Variants in MARK2 observed in about 807,000 individuals in gnomAD.
MARK2 encodes microtubule affinity regulating kinase 2.
MARK2 carries 16 observed loss-of-function variants against 89.8 expected under a neutral mutation model. The ratio of observed to expected loss-of-function variants is 0.18; its 90% CI spans 0.12 to 0.27. The LOEUF (loss-of-function observed/expected upper bound fraction) is 0.27, where lower values mean the gene tolerates loss of function less well. Ranked by LOEUF, MARK2 falls within the 10% of genes least tolerant of loss-of-function variation. The pLI is 1.00. For missense variants in MARK2, 621 were observed against 1,049.9 expected (o/e 0.59, Z 5.65); for synonymous variants, 382 against 399.5 (o/e 0.96, Z 0.52).
chr11:63,891,938 C>T (rs1276141289), intron 1 of MARK2, among the ~76,000 whole-genome samples: 5 of 152,180 alleles, frequency 3.3e-5, no homozygotes, highest in Admixed American at 2.6e-4. Flanking sequence ...AAATGCCCTT[C>T]TCTCCAAGGG....
intron 7 of MARK2, 125 bp from the exon 8 acceptor site, chr11:63,899,749 G>T: frequency 1.4e-6 from 1 of 719,956 alleles, no homozygotes; most frequent in African/African-American, 1.7e-5. Context: ...CCCTGAAATT[G>T]GTGGAGAAAG....
chr11:63,889,249 A>C (rs758625873), intron 1 of MARK2, among the ~76,000 whole-genome samples: 14 of 152,160 alleles, frequency 9.2e-5, no homozygotes, highest in Non-Finnish European at 1.9e-4. Flanking sequence ...CCCGTGCTAC[A>C]GTGAGGGGGA....
At chr11:63,863,053 G>A (rs1937899425) in intron 1 of MARK2, among the ~76,000 whole-genome samples, 2 of 152,174 alleles carry the variant, frequency 1.3e-5, no homozygotes, top group South Asian at 4.1e-4. Flanking sequence ...AGCTGGTGGT[G>A]CCAGGCCTTG....
chr11:63,882,104 C>T (rs182034980), intron 1 of MARK2, among the ~76,000 whole-genome samples: 14 of 152,166 alleles, frequency 9.2e-5, no homozygotes, highest in East Asian at 3.9e-4. Flanking sequence ...CACAGGAAGG[C>T]GCATAGGATA....
Position 63,865,243 on chromosome 11 carries a change from GTGTT to G in MARK2, c.54+25694_54+25697del, listed in dbSNP as rs200237729. Among the ~76,000 whole-genome samples, 288 of 152,108 alleles carry G rather than the reference GTGTT, an allele frequency of 1.9e-3. 4 individuals carry two copies. The East Asian group carries it at 0.029, about 15-fold the overall frequency. On this transcript the variant is annotated intron_variant, in intron 1 of 18. Transcript: ENST00000402010. Reference sequence around the variant, plus strand: ...AACTACTTTAGAACCCATCTCTTTGGTGTTTGTTTGTTTGAGACAGAGTCTCACT... The same window carrying G: ...AACTACTTTAGAACCCATCTCTTTGGTGTTTGTTTGAGACAGAGTCTCACT...
chr11:63,903,886 C>A lies in MARK2; in HGVS notation c.1515-100C>A. On this transcript the variant is annotated intron_variant, in intron 14 of 18. Coordinates refer to ENST00000402010, the MANE Select transcript of MARK2 (RefSeq NM_001039469.3). This position sits in a 1 kb window ranked among gnomAD's most constrained non-coding sequence, Gnocchi z 5.1. Reference sequence around the variant, plus strand: ...AGGCCTGACTTCTACCCTGCCAGAGCTCCCCAGCTCTGGCCCTTCCCCTGC... The same window carrying A: ...AGGCCTGACTTCTACCCTGCCAGAGATCCCCAGCTCTGGCCCTTCCCCTGC... 1 of 982,334 alleles carries A rather than the reference C, an allele frequency of 1.0e-6. No individual in the cohort carries two copies. Among genetic ancestry groups the A allele is most frequent in the Non-Finnish European group, 1.5e-6 (1 of 670,948 alleles). The allele number at this position is 982,334 out of a possible 1,614,324, so 60.9% of individuals were successfully genotyped here.
intron 3 of MARK2, 69 bp downstream of exon 3, chr11:63,895,702 T>A (rs1940333744): frequency 3.1e-6 from 4 of 1,287,738 alleles, no homozygotes; most frequent in Non-Finnish European, 4.4e-6. Flanking sequence ...AGAGCCTCAC[T>A]CTTGTCGCCC....
intron 1 of MARK2, among the ~76,000 whole-genome samples, chr11:63,864,403 C>A (rs954034214): frequency 1.3e-5 from 2 of 152,132 alleles, no homozygotes; most frequent in African/African-American, 2.4e-5. Context: ...CAGGCATGCA[C>A]CACCACCGGC....
intron 1 of MARK2, among the ~76,000 whole-genome samples, chr11:63,841,557 G>C (rs1244685737): frequency 6.6e-6 from 1 of 152,198 alleles, no homozygotes; most frequent in African/African-American, 2.4e-5. Flanking sequence ...TCTTGAGGTT[G>C]CTTATTCCAC....
chr11:63,842,378 G>A (rs1416516711), intron 1 of MARK2, among the ~76,000 whole-genome samples: 1 of 151,998 alleles, frequency 6.6e-6, no homozygotes, highest in African/African-American at 2.4e-5. Flanking sequence ...CGCCACGCCC[G>A]GCTAATTTTT....
At chr11:63,854,282 C>T (rs1483258307) in intron 1 of MARK2, among the ~76,000 whole-genome samples, 1 of 151,672 alleles carries the variant, frequency 6.6e-6, no homozygotes, top group Non-Finnish European at 1.5e-5. Context: ...CCACTGCAAC[C>T]TCTGCCTCCC....
intron 1 of MARK2, among the ~76,000 whole-genome samples, chr11:63,854,326 A>C (rs1471574850): frequency 6.7e-6 from 1 of 148,364 alleles, no homozygotes; most frequent in East Asian, 2.0e-4. Context: ...CAGCCTCCCC[A>C]GTAGCTGGTA....
At chr11:63,876,048 C>G (rs142223969) in intron 1 of MARK2, among the ~76,000 whole-genome samples, 1 of 152,178 alleles carries the variant, frequency 6.6e-6, no homozygotes. Context: ...GCCCATACAT[C>G]TAGGGCGGGA....
At chr11:63,906,216 A>G in intron 17 of MARK2, 102 bp downstream of exon 17, 1 of 1,234,244 alleles carries the variant, frequency 8.1e-7, no homozygotes. Flanking sequence ...ACTCTCCTCC[A>G]TCTGCTTAAC....
intron 1 of MARK2, among the ~76,000 whole-genome samples, chr11:63,878,909 A>G (rs1051556041): frequency 3.3e-5 from 5 of 152,182 alleles, no homozygotes; most frequent in Non-Finnish European, 5.9e-5. Flanking sequence ...ACATGTTTCT[A>G]TGGAAAAAGA....
rs568932166 is a variant in MARK2 at position 63,900,297 on chromosome 11, G to A, written c.768+187G>A. 1.6e-4 allele frequency among the ~76,000 whole-genome samples: 25 copies of A among 152,248 alleles called. No individual in the cohort carries two copies. Among genetic ancestry groups the A allele is most frequent in the Non-Finnish European group, 2.1e-4 (14 of 68,020 alleles). ...AATGAATAACCTCAGTTCCTTTCTC[G>A]AAAGATGGGATAAACTGTGTGTGTG... On this transcript the variant is annotated intron_variant, in intron 8 of 18. Transcript: ENST00000402010. The surrounding 1 kb of genome is among the most constrained non-coding windows in gnomAD (Gnocchi z 4.7).
chr11:63,865,955 G>T (rs1340159113), intron 1 of MARK2, among the ~76,000 whole-genome samples: 1 of 152,126 alleles, frequency 6.6e-6, no homozygotes, highest in East Asian at 1.9e-4. Flanking sequence ...TGGTGTGGGT[G>T]GTGAATAATG....
chr11:63,874,246 A>C (rs1938614728), intron 1 of MARK2, among the ~76,000 whole-genome samples: 1 of 152,178 alleles, frequency 6.6e-6, no homozygotes, highest in African/African-American at 2.4e-5. Context: ...AAAAACAATT[A>C]CTTTCCTCCT....
chr11:63,866,265 T>A (rs1197743441), intron 1 of MARK2, among the ~76,000 whole-genome samples: 1 of 151,556 alleles, frequency 6.6e-6, no homozygotes, highest in African/African-American at 2.4e-5. Context: ...GGCACGAGAA[T>A]TGCTTGAACC....
Sources: allele counts gnomAD v4.1 joint callset (sites outside exome capture counted in the v4.1 genomes callset), GRCh38; gene constraint gnomAD v4.1.1; non-coding constraint Gnocchi (gnomAD v3.1); transcripts MANE v1.5; gene names NCBI Gene and HGNC (gene_info 2026-07-23, HGNC 2026-07-21).